CST5: variants seen among roughly 807,000 people sequenced by gnomAD.
CST5 encodes cystatin D, also known as cystatin-D.
Under a neutral mutation model 11.5 loss-of-function variants are expected in CST5, and 13 were observed. The observed-to-expected ratio is 1.13, with a 90% CI of 0.73 to 1.79. The LOEUF (loss-of-function observed/expected upper bound fraction) is 1.79, where lower values mean the gene tolerates loss of function less well. Ranked by LOEUF, CST5 falls within the 40% of genes most tolerant of loss-of-function variation. CST5 has a pLI of 0.00. For synonymous variants in CST5, 81 were observed against 67.6 expected (o/e 1.20, Z -0.97); for missense variants, 219 against 174.5 (o/e 1.25, Z -1.44).
In CST5 at chr20:23,879,706, GATCT is replaced by G. The variant is rs1568570310; in HGVS notation, c.-34_-31del. On this transcript the variant is annotated 5_prime_UTR_variant, in exon 1 of 3. Coordinates refer to ENST00000304710, the MANE Select transcript of CST5 (RefSeq NM_001900.5). ...TACTGGGACACAGAGCAAGGAGCTGGATCTCCCAGAGAGCAAAGCAGCAGAAGGC... is the reference window on the plus strand; with the variant it reads ...TACTGGGACACAGAGCAAGGAGCTGGCCCAGAGAGCAAAGCAGCAGAAGGC... 6.3e-7 allele frequency: 1 copy of G among 1,596,650 alleles called. No individual in the cohort carries two copies. Among genetic ancestry groups the G allele is most frequent in the Admixed American group, 1.7e-5 (1 of 59,330 alleles).
intron 2 of CST5, among the ~76,000 whole-genome samples, chr20:23,877,245 C>A (rs1022853134): frequency 6.6e-6 from 1 of 152,136 alleles, no homozygotes; most frequent in Non-Finnish European, 1.5e-5. Flanking sequence ...TTCATTCATG[C>A]ATACACAAAA....
In CST5 at chr20:23,879,434, G is replaced by T. The variant is rs1298175607; in HGVS notation, c.231+12C>A. 6.2e-7 allele frequency: 1 copy of T among 1,609,306 alleles called. No homozygotes were observed. The highest frequency in any genetic ancestry group is 1.7e-5 in the Admixed American group (1 of 59,996). Reference sequence around the variant, plus strand: ...TGGGACTCAGGACCCCCAGGGTGGTGGTAGCACGCACCTGCTGGTAGGCAG... The same window carrying T: ...TGGGACTCAGGACCCCCAGGGTGGTTGTAGCACGCACCTGCTGGTAGGCAG... On this transcript the variant is annotated intron_variant, in intron 1 of 2. Coordinates refer to ENST00000304710, the MANE Select transcript of CST5 (RefSeq NM_001900.5).
intron 1 of CST5, 107 bp from the exon 2 acceptor site, chr20:23,877,725 C>T (rs772390248): frequency 2.9e-5 from 26 of 890,590 alleles, no homozygotes; most frequent in Non-Finnish European, 4.0e-5. Flanking sequence ...GGCTTCATGC[C>T]CACACTGTCA....
intron 2 of CST5, among the ~76,000 whole-genome samples, chr20:23,876,984 A>G (rs1985976563): frequency 1.3e-5 from 2 of 152,142 alleles, no homozygotes. Context: ...ACCTCCCAGT[A>G]ACCATTACCA....
chr20:23,878,300 AAAGT>A (rs1342212988), intron 1 of CST5, among the ~76,000 whole-genome samples: 1 of 152,212 alleles, frequency 6.6e-6, no homozygotes, highest in Non-Finnish European at 1.5e-5. Flanking sequence ...CAATATTTCT[AAAGT>A]GAGTCACACA....
At position 23,876,064 on chromosome 20, in the gene CST5, T is replaced by A. The variant is rs916604732; in HGVS notation, c.*124A>T. 2.0e-5 allele frequency: 14 copies of A among 683,684 alleles called. No individual in the cohort carries two copies. The highest frequency in any genetic ancestry group is 3.6e-5 in the Non-Finnish European group (14 of 393,696). The allele number at this position is 683,684 out of a possible 1,614,324, so 42.4% of individuals were successfully genotyped here. ...CAAAGGCCTCCTGCCACCTTCTGTG[T>A]CTGTCTCCTGGTGCAGGCGCATGAG... On this transcript the variant is annotated 3_prime_UTR_variant, in exon 3 of 3. Transcript: ENST00000304710.
In CST5 at chr20:23,877,604, C is replaced by T. The variant is rs147299561; in HGVS notation, c.246G>A (p.Val82=). 391 of 1,417,476 alleles carry T rather than the reference C, an allele frequency of 2.8e-4. 1 individual carries two copies. In the African/African-American group the frequency reaches 2.9e-3, roughly 11 times the overall value. 87.8% of individuals were successfully genotyped at this position (1,417,476 alleles called of 1,614,324 possible). Residue 82 remains valine, a synonymous_variant, in exon 2 of 3, where the codon GTG becomes GTA. Coordinates refer to ENST00000304710, the MANE Select transcript of CST5 (RefSeq NM_001900.5). The stretch of plus-strand genomic sequence containing the variant: ...CGAACTTCACATTGAAGTAGTAGTT[C>T]ACCCCACCCACGATCTACACGCGTG... ...MAAYQQIVGG[V]NYYFNVKFGR...
At chr20:23,878,065 G>A (rs1283984134) in intron 1 of CST5, among the ~76,000 whole-genome samples, 1 of 152,142 alleles carries the variant, frequency 6.6e-6, no homozygotes, top group African/African-American at 2.4e-5. Flanking sequence ...TGCTCAGGGG[G>A]CAGGGACACT....
chr20:23,877,655 G>C (rs368111726), intron 1 of CST5, 37 bp from the exon 2 acceptor site: 1 of 1,543,246 alleles, frequency 6.5e-7, no homozygotes. Flanking sequence ...GGGGCAGCAT[G>C]CTGTCAGTTT....
chr20:23,879,015 G>C (rs1036447296), intron 1 of CST5, among the ~76,000 whole-genome samples: 1 of 152,228 alleles, frequency 6.6e-6, no homozygotes, highest in African/African-American at 2.4e-5. Context: ...AACGGGCTGT[G>C]CCCAGGGGCG....
At chr20:23,876,863 G>A (rs1328473156) in intron 2 of CST5, among the ~76,000 whole-genome samples, 1 of 152,164 alleles carries the variant, frequency 6.6e-6, no homozygotes, top group East Asian at 1.9e-4. Context: ...TGTGGCTGCA[G>A]GCAGGTGCCT....
Position 23,877,516 on chromosome 20 carries a change from T to C in CST5, c.334A>G (p.Lys112Glu). Residue 112 changes from lysine to glutamate, a missense_variant, in exon 2 of 3, where the codon AAA becomes GAA. Transcript: ENST00000304710. ...CATCAGGCACATACCTCTTTCAGTT[T>C]TGGCTGGTCATTGAAGGGACAGTTG... ...LDNCPFNDQP[K>E]LKEEEFCSFQ... is the part of the protein sequence containing the mutation. 6.2e-7 allele frequency: 1 copy of C among 1,614,070 alleles called. No homozygotes were observed. The highest frequency in any genetic ancestry group is 8.5e-7 in the Non-Finnish European group (1 of 1,179,936).
chr20:23,878,926 G>A (rs1180067103), intron 1 of CST5, among the ~76,000 whole-genome samples: 2 of 152,248 alleles, frequency 1.3e-5, no homozygotes, highest in East Asian at 3.9e-4. Flanking sequence ...GGTCAGGCAT[G>A]CTCTACCCCA....
In CST5 at chr20:23,876,289, T is replaced by C; in HGVS notation, c.346-18A>G. The C allele has an allele frequency of 6.3e-7, 1 of 1,589,860 alleles. No homozygotes were observed. The highest frequency in any genetic ancestry group is 8.6e-7 in the Non-Finnish European group (1 of 1,158,402). On this transcript the variant is annotated intron_variant, in intron 2 of 2. Transcript: ENST00000304710. ...AACTCTTCCTGTGAAAAGAAAGAGA[T>C]GGAGAAAATGACTGTGGGTTACAGT... is the stretch of plus-strand genomic sequence containing the variant.
At chr20:23,877,122 C>A (rs1038591870) in intron 2 of CST5, among the ~76,000 whole-genome samples, 7 of 152,214 alleles carry the variant, frequency 4.6e-5, no homozygotes, top group African/African-American at 1.7e-4. Context: ...AACCCACATA[C>A]TCCTTCACAC....
At position 23,876,234 on chromosome 20, in the gene CST5, C is replaced by T. The variant is rs1985958954; in HGVS notation, c.383G>A (p.Trp128Ter). The change falls in exon 3 of 3, where the codon TGG becomes TAG. Residue 128 changes from tryptophan (W) to a stop codon, truncating the protein, a stop_gained. Transcript: ENST00000304710. LOFTEE classifies it low-confidence loss of function (END_TRUNC). ...GTTCAGAATGGAAATTTTATCCTCC[C>T]AGGGAACTTCATTGATCTGGAAAGA... is the stretch of plus-strand genomic sequence containing the variant. ...FCSFQINEVP[W>*]EDKISILNYK... 1 of 1,613,798 alleles carries T rather than the reference C, an allele frequency of 6.2e-7. No individual in the cohort carries two copies. The highest frequency in any genetic ancestry group is 1.7e-5 in the Admixed American group (1 of 59,994).
At chr20:23,876,425 GC>G (rs1399140404) in intron 2 of CST5, among the ~76,000 whole-genome samples, 154 bp from the exon 3 acceptor site, 1 of 152,200 alleles carries the variant, frequency 6.6e-6, no homozygotes, top group Admixed American at 6.5e-5. Context: ...AGGGCACTGA[GC>G]CCAACTGGGC....
chr20:23,877,279 T>C (rs1264304664), intron 2 of CST5, among the ~76,000 whole-genome samples: 2 of 152,186 alleles, frequency 1.3e-5, no homozygotes, highest in Admixed American at 6.5e-5. Context: ...AACACATTCA[T>C]TGACTTCACA....
Position 23,877,626 on chromosome 20 carries a change from C to G in CST5, c.232-8G>C. On this transcript the variant is annotated splice_polypyrimidine_tract_variant and splice_region_variant and intron_variant, in intron 1 of 2. Transcript: ENST00000304710. ...GTTCACCCCACCCACGATCTACACG[C>G]GTGGAAGAGCAGGAAGCAGGGGCAG... 6 of 1,607,914 alleles carry G rather than the reference C, an allele frequency of 3.7e-6. No homozygotes were observed. Among genetic ancestry groups the G allele is most frequent in the South Asian group, 1.1e-5 (1 of 90,632 alleles).
Sources: gnomAD v4.1 joint callset for allele counts (sites outside exome capture counted in the v4.1 genomes callset) on GRCh38, gnomAD v4.1.1 for gene constraint, MANE v1.5 for transcripts, NCBI Gene and HGNC (gene_info 2026-07-23, HGNC 2026-07-21) for gene names.